Variants in SEMA4D observed in about 807,000 individuals in gnomAD.
SEMA4D encodes the protein semaphorin-4D.
A neutral mutation model predicts 74.8 loss-of-function variants in SEMA4D; 22 were observed. The ratio of observed to expected loss-of-function variants is 0.29; its 90% confidence interval spans 0.21 to 0.42. The LOEUF (loss-of-function observed/expected upper bound fraction) is 0.42, where lower values mean the gene tolerates loss of function less well. Among genes scored for constraint, SEMA4D ranks in the 10% least tolerant of loss-of-function variants. The pLI is 1.00. For synonymous variants in SEMA4D, 445 were observed against 463.7 expected (o/e 0.96, Z 0.52); for missense variants, 937 against 1,118.4 (o/e 0.84, Z 2.31).
chr9:89,390,443 T>G (rs904600425), intron 9 of SEMA4D, among the ~76,000 whole-genome samples: 12 of 152,136 alleles, frequency 7.9e-5, no homozygotes, highest in African/African-American at 2.9e-4. Flanking sequence ...AAGCACCAGG[T>G]GGATACTCAG....
chr9:89,408,265 C>G (rs1843736053), intron 2 of SEMA4D, among the ~76,000 whole-genome samples: 1 of 152,230 alleles, frequency 6.6e-6, no homozygotes, highest in Non-Finnish European at 1.5e-5. Context: ...AAGTCCTGGC[C>G]CCACAGAACC....
At position 89,362,412 on chromosome 9, in the gene SEMA4D, T is replaced by A. The variant is rs781335320; in HGVS notation, c.2207A>T (p.Asp736Val). The A allele has an allele frequency of 5.6e-6, 9 of 1,614,042 alleles. No individual in the cohort carries two copies. The South Asian group carries it at 9.9e-5, about 18-fold the overall frequency. ...ACTCCTTCCTGGTGGCTACAGGGTG[T>A]CCTTGCTACAGCTTTCCTGAAAGAA... The change falls in exon 19 of 19, where the codon GAC (aspartate) becomes GTC (valine). Residue 736 changes from aspartate (D) to valine (V), a missense_variant. Coordinates refer to the SEMA4D transcript ENST00000339861.
chr9:89,377,022 CAGG>C (rs943453637), downstream of SEMA4D: 2 of 1,541,610 alleles, frequency 1.3e-6, no homozygotes, highest in African/African-American at 1.4e-5. Context: ...GAAGAGGAGC[CAGG>C]AGGAGGGAGG....
At chr9:89,418,762 G>A (rs60743151) in intron 2 of SEMA4D, 8,159 of 152,152 alleles carry the variant, frequency 0.054, 502 homozygotes, top group East Asian at 0.32. Context: ...CCAGAGCCAC[G>A]TGCAGGACTG....
At chr9:89,403,478 A>C (rs1229479834) in intron 3 of SEMA4D, among the ~76,000 whole-genome samples, 1 of 152,204 alleles carries the variant, frequency 6.6e-6, no homozygotes, top group Non-Finnish European at 1.5e-5. Flanking sequence ...AGAATGTTTT[A>C]CTTCAAAATC....
rs1362757995 is a variant in SEMA4D at position 89,391,403 on chromosome 9, A to G, written c.635T>C (p.Val212Ala). 2 of 1,614,244 alleles carry G rather than the reference A, an allele frequency of 1.2e-6. No homozygotes were observed. The highest frequency in any genetic ancestry group is 2.2e-5 in the South Asian group (2 of 91,088). Residue 212 changes from valine to alanine, a missense_variant, in exon 9 of 16, where the codon GTG becomes GCG. Val to Ala is a moderately conservative substitution (Grantham distance 64). Transcript: ENST00000422704. Reference sequence around the variant, plus strand: ...GCTTTTTCGGATCACGTCAGCAAACACGAAACTAGGCTCTGCAGAGAGAGG... The same window carrying G: ...GCTTTTTCGGATCACGTCAGCAAACGCGAAACTAGGCTCTGCAGAGAGAGG... ...AIPWLNEPSF[V>A]FADVIRKSPD...
At chr9:89,471,045 AAAAGT>A (rs1860056141) in intron 1 of SEMA4D, among the ~76,000 whole-genome samples, 1 of 152,266 alleles carries the variant, frequency 6.6e-6, no homozygotes, top group South Asian at 2.1e-4. Flanking sequence ...TATTAATTTT[AAAAGT>A]AAAGGAAAAG....
At chr9:89,440,750 C>T (rs557169715) in intron 2 of SEMA4D, among the ~76,000 whole-genome samples, 2 of 152,360 alleles carry the variant, frequency 1.3e-5, no homozygotes, top group South Asian at 4.1e-4. Context: ...CCTACGGAAC[C>T]CTTCCAGTGG....
intron 16 of SEMA4D, among the ~76,000 whole-genome samples, chr9:89,366,633 T>C (rs1833715984): frequency 6.6e-6 from 1 of 152,266 alleles, no homozygotes; most frequent in Non-Finnish European, 1.5e-5. Flanking sequence ...ATTACATAGA[T>C]GTACAAACAT....
chr9:89,363,388 T>A, intron 18 of SEMA4D: 1 of 1,593,266 alleles, frequency 6.3e-7, no homozygotes, highest in Non-Finnish European at 8.5e-7. Flanking sequence ...GCCCTGCCCC[T>A]GGCTCCAGCC....
chr9:89,471,960 G>C (rs529520903), intron 1 of SEMA4D, among the ~76,000 whole-genome samples: 88 of 152,218 alleles, frequency 5.8e-4, no homozygotes, highest in Admixed American at 1.0e-3. Context: ...CAACTCAGGT[G>C]CATATAGGCT....
chr9:89,409,325 G>T (rs1433201673), intron 2 of SEMA4D, among the ~76,000 whole-genome samples: 1 of 152,130 alleles, frequency 6.6e-6, no homozygotes, highest in African/African-American at 2.4e-5. Flanking sequence ...ATACTACCAC[G>T]GTGGACACAT....
intron 1 of SEMA4D, among the ~76,000 whole-genome samples, chr9:89,461,008 T>A (rs1261977232): frequency 6.6e-6 from 1 of 152,080 alleles, no homozygotes; most frequent in African/African-American, 2.4e-5. Context: ...AATCCTACAG[T>A]CATGCTCGGG....
In SEMA4D at chr9:89,405,539, C is replaced by A; in HGVS notation, c.-83G>T. ...GGCAGGTGTGCTATTGCAGATGCGGCTCAGCGCCCCAGGACCAGGGCCAGC... is the reference window on the plus strand; with the variant it reads ...GGCAGGTGTGCTATTGCAGATGCGGATCAGCGCCCCAGGACCAGGGCCAGC... On this transcript the variant is annotated 5_prime_UTR_variant, in exon 3 of 16. Coordinates refer to ENST00000422704, the MANE Select transcript of SEMA4D (RefSeq NM_001371194.2). The A allele has an allele frequency of 1.9e-6, 3 of 1,565,240 alleles. No individual in the cohort carries two copies. Among genetic ancestry groups the A allele is most frequent in the Non-Finnish European group, 2.6e-6 (3 of 1,160,234 alleles).
chr9:89,392,528 G>T lies in SEMA4D; in HGVS notation c.517C>A (p.Leu173Ile), dbSNP rs764040936. The change falls in exon 8 of 16, where the codon CTT becomes ATT. Residue 173 changes from leucine to isoleucine, a missense_variant. Leu to Ile is a conservative substitution (Grantham distance 5). Transcript: ENST00000422704. ...AAATTATACGACGTCCCCGAATAAA[G>T]TTCTCCATCTGCAGGGGCCCAGAAG... ...SYTSVMVDGE[L>I]YSGTSYNFLG... is the part of the protein sequence containing the mutation. 1 of 1,612,008 alleles carries T rather than the reference G, an allele frequency of 6.2e-7. No homozygotes were observed.
At chr9:89,407,088 C>A (rs1843476927) in intron 2 of SEMA4D, among the ~76,000 whole-genome samples, 1 of 152,124 alleles carries the variant, frequency 6.6e-6, no homozygotes, top group Non-Finnish European at 1.5e-5. Context: ...TGGCCTCTTG[C>A]TTCCATGGTA....
At chr9:89,494,861 A>C (rs1825888805) in intron 1 of SEMA4D, among the ~76,000 whole-genome samples, 1 of 152,172 alleles carries the variant, frequency 6.6e-6, no homozygotes, top group African/African-American at 2.4e-5. Context: ...CTATTGCTAA[A>C]GGGTGAAAGT....
At chr9:89,493,624 G>A (rs1027744584) in intron 1 of SEMA4D, among the ~76,000 whole-genome samples, 2 of 152,196 alleles carry the variant, frequency 1.3e-5, no homozygotes, top group Non-Finnish European at 1.5e-5. Context: ...GGCAAATTAC[G>A]TTCTGGCTGC....
chr9:89,370,540 G>C (rs970754010), intron 16 of SEMA4D, among the ~76,000 whole-genome samples: 22 of 150,096 alleles, frequency 1.5e-4, no homozygotes, highest in South Asian at 4.3e-4. Flanking sequence ...GTGGCATGTG[G>C]TGTGAGGGGG....
Sources: allele counts gnomAD v4.1 joint callset (sites outside exome capture counted in the v4.1 genomes callset), GRCh38; gene constraint gnomAD v4.1.1; transcripts MANE v1.5; gene names NCBI Gene and HGNC (gene_info 2026-07-23, HGNC 2026-07-21).